Variants in SPAG16 observed in about 807,000 individuals in gnomAD.
The protein encoded by SPAG16 is sperm-associated antigen 16 protein.
SPAG16 carries 86 observed loss-of-function variants against 80.4 expected under a neutral mutation model. The ratio of observed to expected loss-of-function variants is 1.07; its 90% CI spans 0.90 to 1.28. The LOEUF is 1.28. Among genes scored for constraint, SPAG16 ranks in the 50% most tolerant of loss-of-function variants. The pLI is 0.00. For missense variants in SPAG16, 870 were observed against 765.3 expected (o/e 1.14, Z -1.61); for synonymous variants, 294 against 265.9 (o/e 1.11, Z -1.03).
intron 5 of SPAG16, among the ~76,000 whole-genome samples, chr2:213,334,483 A>G (rs906849580): frequency 1.3e-5 from 2 of 152,206 alleles, no homozygotes; most frequent in Non-Finnish European, 2.9e-5. Context: ...GGAAATCAGT[A>G]TATCAAAGAG....
intron 13 of SPAG16, among the ~76,000 whole-genome samples, chr2:214,037,606 T>C (rs535343014): frequency 2.6e-5 from 4 of 152,274 alleles, no homozygotes; most frequent in South Asian, 2.1e-4. Flanking sequence ...ATATCAATTC[T>C]GATATATTAA....
intron 10 of SPAG16, among the ~76,000 whole-genome samples, chr2:213,726,661 C>T (rs2066781855): frequency 6.6e-6 from 1 of 152,176 alleles, no homozygotes; most frequent in African/African-American, 2.4e-5. Flanking sequence ...TTGCTTTGAA[C>T]ATTTCAAGAG....
Position 213,962,338 on chromosome 2 carries a change from G to A in SPAG16, c.1400+32193G>A, listed in dbSNP as rs1013155449. On this transcript the variant is annotated intron_variant, in intron 12 of 15. Transcript: ENST00000331683. The stretch of plus-strand genomic sequence containing the variant: ...CTCCTGAGTAGCTGGGACTACAGGC[G>A]CCCGCCACCAAGCCCGGCTAATTTT... Among the ~76,000 whole-genome samples the A allele has an allele frequency of 8.6e-4, 121 of 141,138 alleles. 1 individual carries two copies. The highest frequency in any genetic ancestry group is 2.8e-3 in the African/African-American group (113 of 39,742). The allele number at this position is 141,138 out of a possible 152,430, so 92.6% of individuals were successfully genotyped here. A position where few individuals can be genotyped will look rare whatever the true frequency, so the allele number is the denominator to read the frequency against.
chr2:213,971,317 C>T (rs2045038333), intron 12 of SPAG16, among the ~76,000 whole-genome samples: 1 of 152,096 alleles, frequency 6.6e-6, no homozygotes, highest in South Asian at 2.1e-4. Context: ...TTTACCTCTA[C>T]ATTGAATGAA....
intron 10 of SPAG16, among the ~76,000 whole-genome samples, chr2:213,558,082 T>C (rs1427778800): frequency 6.6e-6 from 1 of 152,192 alleles, no homozygotes. Flanking sequence ...AATGAATGAA[T>C]ACTTTATAAA....
chr2:213,702,390 G>T (rs574612540), intron 10 of SPAG16, among the ~76,000 whole-genome samples: 64 of 152,278 alleles, frequency 4.2e-4, no homozygotes, highest in South Asian at 1.0e-3. Flanking sequence ...TGCTGTTTGG[G>T]TCCATGCAGC....
intron 11 of SPAG16, among the ~76,000 whole-genome samples, chr2:213,875,510 G>A (rs1257338160): frequency 1.3e-5 from 2 of 152,114 alleles, no homozygotes; most frequent in South Asian, 2.1e-4. Flanking sequence ...TACTGACTAT[G>A]ATGAGAGGCT....
At chr2:214,345,756 A>G (rs1235945291) in intron 15 of SPAG16, among the ~76,000 whole-genome samples, 1 of 152,124 alleles carries the variant, frequency 6.6e-6, no homozygotes, top group Non-Finnish European at 1.5e-5. Flanking sequence ...ACCATACGTT[A>G]TTATTATATT....
At chr2:214,344,284 G>T (rs981495257) in intron 15 of SPAG16, among the ~76,000 whole-genome samples, 5 of 152,134 alleles carry the variant, frequency 3.3e-5, no homozygotes, top group Non-Finnish European at 5.9e-5. Flanking sequence ...TCATGGCTTT[G>T]AAGTATTTGA....
intron 15 of SPAG16, among the ~76,000 whole-genome samples, chr2:214,305,713 T>TCTGTTCCA (rs1242486755): frequency 1.3e-5 from 2 of 152,168 alleles, no homozygotes; most frequent in Admixed American, 1.3e-4. Context: ...GGTTCTTGAT[T>TCTGTTCCA]CTGTTCCACT....
At chr2:213,619,042 G>A (rs2061688608) in intron 10 of SPAG16, among the ~76,000 whole-genome samples, 1 of 152,042 alleles carries the variant, frequency 6.6e-6, no homozygotes, top group Non-Finnish European at 1.5e-5. Flanking sequence ...TTAAATTTAA[G>A]TTTAAGCCAT....
intron 10 of SPAG16, among the ~76,000 whole-genome samples, chr2:213,589,645 G>A (rs2060609390): frequency 6.6e-6 from 1 of 152,118 alleles, no homozygotes; most frequent in Admixed American, 6.5e-5. Flanking sequence ...TTTTGGGCTG[G>A]GCGTGATGGC....
intron 15 of SPAG16, among the ~76,000 whole-genome samples, chr2:214,376,000 A>C (rs1209870484): frequency 6.6e-6 from 1 of 151,968 alleles, no homozygotes; most frequent in African/African-American, 2.4e-5. Context: ...TGATCTTAAG[A>C]TCTATATGCT....
rs118090353 is a variant in SPAG16, at chr2:213,468,849, A to G, written c.943-21114A>G. ...CTGTGGAGCAAGGAGAGCCAGTTCA[A>G]GTCCCAAAACTGAAAAATTTGGAGT... On this transcript the variant is annotated intron_variant, in intron 9 of 15. Coordinates refer to ENST00000331683, the MANE Select transcript of SPAG16 (RefSeq NM_024532.5). Among the ~76,000 whole-genome samples, 24 of 152,092 alleles carry G rather than the reference A, an allele frequency of 1.6e-4. No individual in the cohort carries two copies. The East Asian group carries it at 2.3e-3, about 15-fold the overall frequency.
In SPAG16 at chr2:214,228,879, A is replaced by C. The variant is rs532833770; in HGVS notation, c.1720+79613A>C. On this transcript the variant is annotated intron_variant, in intron 15 of 15. Transcript: ENST00000331683. The stretch of plus-strand genomic sequence containing the variant: ...TTAGCTTCTTCAAAGCTCCTCAGCT[A>C]CATTGATGGCAGAACCAATATCTGA... Among the ~76,000 whole-genome samples, 194 of 152,084 alleles carry C rather than the reference A, an allele frequency of 1.3e-3. 1 individual carries two copies. Among genetic ancestry groups the C allele is most frequent in the African/African-American group, 4.6e-3 (190 of 41,548 alleles).
intron 15 of SPAG16, among the ~76,000 whole-genome samples, chr2:214,365,456 C>T (rs1452839600): frequency 1.3e-5 from 2 of 152,114 alleles, no homozygotes; most frequent in African/African-American, 4.8e-5. Context: ...TAAAGTACCA[C>T]TACCAGTGAA....
intron 9 of SPAG16, among the ~76,000 whole-genome samples, chr2:213,390,334 A>G (rs2067676003): frequency 6.6e-6 from 1 of 152,176 alleles, no homozygotes; most frequent in Admixed American, 6.5e-5. Context: ...AGTTATATAA[A>G]TGCATTTAAG....
intron 11 of SPAG16, among the ~76,000 whole-genome samples, chr2:213,924,987 G>T (rs2078401189): frequency 6.6e-6 from 1 of 151,406 alleles, no homozygotes; most frequent in Non-Finnish European, 1.5e-5. Flanking sequence ...TCTTATACTG[G>T]TTTGGAAGTC....
At chr2:213,532,871 C>G (rs1466489122) in intron 10 of SPAG16, among the ~76,000 whole-genome samples, 1 of 152,030 alleles carries the variant, frequency 6.6e-6, no homozygotes, top group Non-Finnish European at 1.5e-5. Flanking sequence ...ATCTTATAAC[C>G]ATTTAAAGTT....
Sources: allele counts gnomAD v4.1 joint callset (sites outside exome capture counted in the v4.1 genomes callset), GRCh38; gene constraint gnomAD v4.1.1; transcripts MANE v1.5; gene names NCBI Gene and HGNC (gene_info 2026-07-23, HGNC 2026-07-21).